Variants in FHOD3 observed in about 807,000 individuals in gnomAD.
The protein encoded by FHOD3 is formin homology 2 domain containing 3.
In FHOD3, 90 loss-of-function variants were observed where a neutral mutation model predicts 173.0. The observed-to-expected ratio is 0.52, with a 90% CI of 0.44 to 0.62. FHOD3 has a LOEUF of 0.62. Ranked by LOEUF, FHOD3 falls within the 20% of genes least tolerant of loss-of-function variation. The pLI, the probability that FHOD3 is intolerant of heterozygous loss-of-function variation, is 0.00. For missense variants in FHOD3, 1,945 were observed against 2,034.7 expected (o/e 0.96, Z 0.85); for synonymous variants, 828 against 823.0 (o/e 1.01, Z -0.10).
chr18:36,380,568 T>TTTCCTTTCCTTTCCTTTCCTTTCC lies in FHOD3; in HGVS notation c.337+7826_337+7827insCCTTTCCTTTCCTTTCCTTTCCTT, dbSNP rs1555686552. On this transcript the variant is annotated intron_variant, in intron 3 of 28. Coordinates refer to ENST00000590592, the MANE Select transcript of FHOD3 (RefSeq NM_001281740.3). ...CTTTCTTTTGTTTTCTTTTCTTTTC[T>TTTCCTTTCCTTTCCTTTCCTTTCC]TTTCTTTTCTTTTCCTTTCCTTTCC... is the stretch of plus-strand genomic sequence containing the variant. Among the ~76,000 whole-genome samples, 62 of 83,120 alleles carry TTTCCTTTCCTTTCCTTTCCTTTCC rather than the reference T, an allele frequency of 7.5e-4. 2 individuals are homozygous for TTTCCTTTCCTTTCCTTTCCTTTCC. The East Asian group carries it at 9.3e-3, about 12-fold the overall frequency. 54.5% of individuals were successfully genotyped at this position (83,120 alleles called of 152,430 possible).
At chr18:36,579,822 T>C (rs2058780528) in intron 6 of FHOD3, among the ~76,000 whole-genome samples, 1 of 151,950 alleles carries the variant, frequency 6.6e-6, no homozygotes, top group African/African-American at 2.4e-5. Flanking sequence ...CAGTCTCAGG[T>C]ATTTCTCTTT....
chr18:36,657,252 C>T (rs951802621), intron 13 of FHOD3, among the ~76,000 whole-genome samples: 1 of 152,184 alleles, frequency 6.6e-6, no homozygotes, highest in African/African-American at 2.4e-5. Context: ...CGAGGCAAAG[C>T]TCTCTGAGCC....
intron 8 of FHOD3, among the ~76,000 whole-genome samples, chr18:36,603,275 A>C (rs956490804): frequency 6.6e-6 from 1 of 152,078 alleles, no homozygotes; most frequent in Non-Finnish European, 1.5e-5. Flanking sequence ...CACCATGTGT[A>C]CACCCATCAC....
At chr18:36,463,997 T>C (rs1052334541) in intron 3 of FHOD3, among the ~76,000 whole-genome samples, 17 of 152,202 alleles carry the variant, frequency 1.1e-4, no homozygotes, top group African/African-American at 4.1e-4. Context: ...CTCAAAAATA[T>C]TGCTAGAATT....
intron 14 of FHOD3, among the ~76,000 whole-genome samples, chr18:36,679,187 T>G (rs2149383724): frequency 6.6e-6 from 1 of 152,282 alleles, no homozygotes; most frequent in African/African-American, 2.4e-5. Context: ...TTCTTTAATT[T>G]TTCAAGTGTA....
chr18:36,380,566 T>TC (rs768530356), intron 3 of FHOD3, among the ~76,000 whole-genome samples: 4,685 of 110,458 alleles, frequency 0.042, 167 homozygotes, highest in African/African-American at 0.069. Flanking sequence ...TCTTTTCTTT[T>TC]CTTTTCTTTT....
Position 36,709,611 on chromosome 18 carries a change from C to T in FHOD3, c.2533+220C>T, listed in dbSNP as rs191402758. 763 of 557,488 alleles carry T rather than the reference C, an allele frequency of 1.4e-3. 9 individuals are homozygous for T. Among genetic ancestry groups the T allele is most frequent in the Non-Finnish European group, 4.1e-4 (128 of 315,272 alleles). The allele number at this position is 557,488 out of a possible 1,614,324, so 34.5% of individuals were successfully genotyped here. A position where few individuals can be genotyped will look rare whatever the true frequency, so the allele number is the denominator to read the frequency against. On this transcript the variant is annotated intron_variant, in intron 18 of 28. Transcript: ENST00000590592. ...AGAAAGACAGCCCCCAAACTGTCTG[C>T]CACACCATCACATTCATCACCTCCA... is the stretch of plus-strand genomic sequence containing the variant.
At chr18:36,414,209 G>T (rs1568239227) in intron 3 of FHOD3, among the ~76,000 whole-genome samples, 1 of 152,222 alleles carries the variant, frequency 6.6e-6, no homozygotes, top group Admixed American at 6.5e-5. Context: ...TCAAGCACAG[G>T]AGTAGCTGCA....
chr18:36,370,064 G>A (rs1016219360), intron 2 of FHOD3, among the ~76,000 whole-genome samples: 17 of 152,176 alleles, frequency 1.1e-4, no homozygotes, highest in African/African-American at 4.1e-4. Flanking sequence ...AAGGGTGAGA[G>A]GTCACAGATG....
At chr18:36,456,794 C>T (rs1256746058) in intron 3 of FHOD3, among the ~76,000 whole-genome samples, 1 of 152,156 alleles carries the variant, frequency 6.6e-6, no homozygotes, top group African/African-American at 2.4e-5. Context: ...CCATGTAAAG[C>T]AGGACCACAC....
intron 1 of FHOD3, among the ~76,000 whole-genome samples, chr18:36,310,071 A>G (rs2092216032): frequency 6.6e-6 from 1 of 152,230 alleles, no homozygotes; most frequent in African/African-American, 2.4e-5. Flanking sequence ...CATCTGTCAG[A>G]GATAAACCTG....
At position 36,625,557 on chromosome 18, in the gene FHOD3, C is replaced by A. The variant is rs117005081; in HGVS notation, c.1004C>A (p.Pro335His). 14 of 1,513,158 alleles carry A rather than the reference C, an allele frequency of 9.3e-6. No homozygotes were observed. Among genetic ancestry groups the A allele is most frequent in the Middle Eastern group, 1.8e-4 (1 of 5,618 alleles). 93.7% of individuals were successfully genotyped at this position (1,513,158 alleles called of 1,614,324 possible). ...GGCGATGAGACCACGGAGCCACCCC[C>A]CAGTGGGTGCCGGGACCGGAGGAGG... ...EDGDETTEPP[P>H]SGCRDRRRAS... Residue 335 changes from proline to histidine, a missense_variant, in exon 10 of 29, where the codon CCC becomes CAC. Around this residue, in one of 5 missense-constraint regions of FHOD3, gnomAD observed 1,099 missense variants for 1,051.2 expected, o/e 1.05. Coordinates refer to ENST00000590592, the MANE Select transcript of FHOD3 (RefSeq NM_001281740.3).
intron 6 of FHOD3, among the ~76,000 whole-genome samples, chr18:36,592,639 C>T (rs1293241817): frequency 6.6e-6 from 1 of 152,138 alleles, no homozygotes; most frequent in Non-Finnish European, 1.5e-5. Context: ...TCAGAAGGAC[C>T]AGGCCAGAGC....
Position 36,653,561 on chromosome 18 carries a change from G to C in FHOD3, c.1721+145G>C, listed in dbSNP as rs575423157. The C allele has an allele frequency of 1.3e-4, 85 of 650,766 alleles. No homozygotes were observed. In the East Asian group the frequency reaches 2.3e-3, roughly 18 times the overall value. The allele number at this position is 650,766 out of a possible 1,614,324, so 40.3% of individuals were successfully genotyped here. On this transcript the variant is annotated intron_variant, in intron 13 of 28. Coordinates refer to ENST00000590592, the MANE Select transcript of FHOD3 (RefSeq NM_001281740.3). ...GAACCACTTCATAGGTATTAATTAC[G>C]TATTTTACTATGAACACTTAAATCT... is the stretch of plus-strand genomic sequence containing the variant.
intron 17 of FHOD3, among the ~76,000 whole-genome samples, chr18:36,699,489 C>A (rs1170535264): frequency 2.0e-5 from 3 of 152,176 alleles, no homozygotes. Flanking sequence ...CATGTCAGGA[C>A]AATGAGGGTT....
In FHOD3 at chr18:36,717,869, T is replaced by C. The variant is rs749903865; in HGVS notation, c.2571T>C (p.Asn857=). 4 of 1,604,328 alleles carry C rather than the reference T, an allele frequency of 2.5e-6. No individual in the cohort carries two copies. The highest frequency in any genetic ancestry group is 1.3e-5 in the African/African-American group (1 of 74,698). ...WPAGVQDAGV[N]GQCGDILTNK... is the part of the protein sequence containing the mutation. ...CAGGTGTCCAGGATGCAGGTGTAAA[T>C]GGACAGTGTGGCGACATCCTCACCA... Residue 857 remains asparagine (N), a synonymous_variant, in exon 19 of 29, where the codon AAT becomes AAC. Transcript: ENST00000590592.
intron 3 of FHOD3, among the ~76,000 whole-genome samples, chr18:36,395,521 A>G (rs186840881): frequency 6.6e-6 from 1 of 152,252 alleles, no homozygotes; most frequent in East Asian, 1.9e-4. Context: ...ATGTAAAAAA[A>G]TGTTTTCATA....
At chr18:36,740,968 A>G (rs2041874340) in intron 21 of FHOD3, 130 bp downstream of exon 21, 2 of 883,892 alleles carry the variant, frequency 2.3e-6, no homozygotes, top group African/African-American at 3.4e-5. Context: ...ATTGACAATG[A>G]GGAGGTCGTG....
intron 3 of FHOD3, among the ~76,000 whole-genome samples, chr18:36,485,796 G>A (rs1212105750): frequency 6.6e-6 from 1 of 152,202 alleles, no homozygotes; most frequent in Non-Finnish European, 1.5e-5. Context: ...GTCAGCCTGT[G>A]TCTCTTGCAG....
Sources: gnomAD v4.1 joint callset for allele counts (sites outside exome capture counted in the v4.1 genomes callset) on GRCh38, gnomAD v4.1.1 for gene constraint, gnomAD v4.1.1 regional missense constraint, MANE v1.5 for transcripts, NCBI Gene and HGNC (gene_info 2026-07-23, HGNC 2026-07-21) for gene names.